The following SNTB2 variants were observed in gnomAD, a reference collection of about 807,000 sequenced individuals.
The protein encoded by SNTB2 is beta-2-syntrophin.
SNTB2 carries 34 observed loss-of-function variants against 46.2 expected under a neutral mutation model. The observed-to-expected ratio is 0.74, with a 90% CI of 0.56 to 0.98. The LOEUF is 0.98. Ranked by LOEUF, SNTB2 falls within the 50% of genes least tolerant of loss-of-function variation. The pLI is 0.00. For synonymous variants in SNTB2, 290 were observed against 312.6 expected (o/e 0.93, Z 0.76); for missense variants, 603 against 731.4 (o/e 0.82, Z 2.02).
At chr16:69,208,596 A>G (rs990618693) in intron 1 of SNTB2, among the ~76,000 whole-genome samples, 1 of 152,120 alleles carries the variant, frequency 6.6e-6, no homozygotes, top group African/African-American at 2.4e-5. Flanking sequence ...AGGTTCAGAG[A>G]CAGATTCTGT....
chr16:69,268,954 A>G (rs1202302679), intron 3 of SNTB2, among the ~76,000 whole-genome samples: 2 of 150,934 alleles, frequency 1.3e-5, no homozygotes, highest in African/African-American at 4.9e-5. Context: ...CGGATCATCT[A>G]AGATCAGGAG....
chr16:69,300,854 C>G lies in SNTB2; in HGVS notation c.1553C>G (p.Pro518Arg), dbSNP rs1424041197. 1.2e-6 allele frequency: 2 copies of G among 1,613,706 alleles called. No homozygotes were observed. The highest frequency in any genetic ancestry group is 1.7e-6 in the Non-Finnish European group (2 of 1,179,776). ...GELTMDLHSC[P>R]KPIVFVLHTF... ...CAGACCATGGACCTGCACTCTTGTC[C>G]GAAGCCGATTGTATTTGTGTTGCAC... Residue 518 changes from proline to arginine, a missense_variant, in exon 7 of 7, where the codon CCG becomes CGG. Pro to Arg is a moderately radical substitution (Grantham distance 103, BLOSUM62 -2). Around this residue, in one of 2 missense-constraint regions of SNTB2, gnomAD observed 537 missense variants for 692.4 expected, o/e 0.78. Coordinates refer to ENST00000336278, the MANE Select transcript of SNTB2 (RefSeq NM_006750.4).
chr16:69,190,900 C>T (rs1057146352), intron 1 of SNTB2, among the ~76,000 whole-genome samples: 7 of 152,002 alleles, frequency 4.6e-5, no homozygotes. Context: ...TTGCAATTCA[C>T]GTGTTGAGTA....
At chr16:69,258,270 T>C (rs1444219128) in intron 2 of SNTB2, among the ~76,000 whole-genome samples, 1 of 152,194 alleles carries the variant, frequency 6.6e-6, no homozygotes. Flanking sequence ...AAGATATATA[T>C]GTTCACAGCA....
intron 2 of SNTB2, among the ~76,000 whole-genome samples, chr16:69,247,805 A>G (rs1262487444): frequency 6.6e-6 from 1 of 152,240 alleles, no homozygotes. Flanking sequence ...TAGGTTCTCA[A>G]GAAATAGTAT....
At chr16:69,219,083 G>A (rs930673072) in intron 1 of SNTB2, among the ~76,000 whole-genome samples, 2 of 152,194 alleles carry the variant, frequency 1.3e-5, no homozygotes, top group Admixed American at 1.3e-4. Context: ...AGATAGATAG[G>A]AGAGAGAGGA....
At chr16:69,271,813 C>T (rs747746544) in intron 4 of SNTB2, among the ~76,000 whole-genome samples, 6 of 152,122 alleles carry the variant, frequency 3.9e-5, no homozygotes, top group Non-Finnish European at 7.3e-5. Flanking sequence ...AAATTTACCA[C>T]GTTCCGTAGA....
At chr16:69,260,972 T>G (rs1298362988) in intron 3 of SNTB2, among the ~76,000 whole-genome samples, 1 of 152,156 alleles carries the variant, frequency 6.6e-6, no homozygotes, top group Non-Finnish European at 1.5e-5. Context: ...GATCCCAGGT[T>G]TGACAAAAGG....
At chr16:69,274,349 G>T (rs561341284) in intron 4 of SNTB2, among the ~76,000 whole-genome samples, 3 of 148,768 alleles carry the variant, frequency 2.0e-5, no homozygotes, top group South Asian at 4.3e-4. Flanking sequence ...GTTTAATTTG[G>T]TCATTGTTAA....
At chr16:69,204,127 A>C (rs1964192009) in intron 1 of SNTB2, among the ~76,000 whole-genome samples, 1 of 147,662 alleles carries the variant, frequency 6.8e-6, no homozygotes, top group Non-Finnish European at 1.5e-5. Flanking sequence ...TTCTGACCTC[A>C]AGCGATCCAC....
intron 2 of SNTB2, among the ~76,000 whole-genome samples, chr16:69,250,662 T>G (rs1418743887): frequency 6.6e-6 from 1 of 152,076 alleles, no homozygotes; most frequent in African/African-American, 2.4e-5. Flanking sequence ...TTTGGGAGAC[T>G]GAGACGGGCA....
chr16:69,276,811 G>A (rs1597196750), intron 4 of SNTB2, among the ~76,000 whole-genome samples: 1 of 152,270 alleles, frequency 6.6e-6, no homozygotes, highest in African/African-American at 2.4e-5. Context: ...AAGGCAGTTG[G>A]CACGAAACTG....
intron 5 of SNTB2, among the ~76,000 whole-genome samples, chr16:69,288,810 T>G (rs912418136): frequency 2.0e-5 from 3 of 152,122 alleles, no homozygotes. Flanking sequence ...AGCAGACAAA[T>G]GGATTAAGAA....
intron 3 of SNTB2, among the ~76,000 whole-genome samples, chr16:69,262,135 G>C (rs1026164930): frequency 2.6e-5 from 4 of 152,156 alleles, no homozygotes; most frequent in Non-Finnish European, 2.9e-5. Context: ...CCTTTGGCTC[G>C]TATGTCCAGG....
chr16:69,216,186 C>G (rs1350740381), intron 1 of SNTB2, among the ~76,000 whole-genome samples: 2 of 152,162 alleles, frequency 1.3e-5, no homozygotes, highest in South Asian at 2.1e-4. Context: ...TCAGTAAACA[C>G]TTACTGAGCT....
chr16:69,300,916 C>T lies in SNTB2; in HGVS notation c.1615C>T (p.Leu539Phe). Residue 539 changes from leucine to phenylalanine, a missense_variant, in exon 7 of 7, where the codon CTT becomes TTT. By Grantham distance (22) the Leu-to-Phe change is conservative (BLOSUM62 0). Coordinates refer to ENST00000336278, the MANE Select transcript of SNTB2 (RefSeq NM_006750.4). ...GGCCAAAGTCACTCGTATGGGACTG[C>T]TTGTATGAGCAACAAAAAATCAGAA... ...LSAKVTRMGL[L>F]V 6.2e-7 allele frequency: 1 copy of T among 1,601,762 alleles called. No homozygotes were observed. The highest frequency in any genetic ancestry group is 2.2e-5 in the East Asian group (1 of 44,768).
chr16:69,224,366 C>G (rs1047578609), intron 1 of SNTB2, among the ~76,000 whole-genome samples: 1 of 152,004 alleles, frequency 6.6e-6, no homozygotes, highest in Admixed American at 6.6e-5. Flanking sequence ...CTCGCGCCAC[C>G]ACGCCCGGCT....
intron 4 of SNTB2, among the ~76,000 whole-genome samples, chr16:69,278,471 T>C (rs1434836721): frequency 6.6e-6 from 1 of 151,162 alleles, no homozygotes; most frequent in Admixed American, 6.6e-5. Context: ...TTTTTTTTTT[T>C]TTGAGACGGA....
intron 1 of SNTB2, among the ~76,000 whole-genome samples, chr16:69,225,458 C>A (rs1335394442): frequency 6.6e-6 from 1 of 152,226 alleles, no homozygotes; most frequent in African/African-American, 2.4e-5. Context: ...GTGGAAATTT[C>A]GTTGTCTCGT....
Sources: gnomAD v4.1 joint callset for allele counts (sites outside exome capture counted in the v4.1 genomes callset) on GRCh38, gnomAD v4.1.1 for gene constraint, gnomAD v4.1.1 regional missense constraint, MANE v1.5 for transcripts, NCBI Gene and HGNC (gene_info 2026-07-23, HGNC 2026-07-21) for gene names.